CDH8: variants seen among roughly 807,000 people sequenced by gnomAD.
CDH8 encodes cadherin 8.
Under a neutral mutation model 68.1 loss-of-function variants are expected in CDH8, and 17 were observed. That is an observed-to-expected ratio of 0.25 (90% CI 0.17 to 0.37). The LOEUF is 0.37. Among genes scored for constraint, CDH8 ranks in the 10% least tolerant of loss-of-function variants. The probability of loss-of-function intolerance (pLI) is 1.00; values close to 1 mark genes in which losing one functional copy is unlikely to be tolerated. For missense variants in CDH8, 763 were observed against 999.3 expected (o/e 0.76, Z 3.19); for synonymous variants, 372 against 365.1 (o/e 1.02, Z -0.21).
rs141412406 is a variant in CDH8, at chr16:61,697,831, T to C, written c.1654+16010A>G. On this transcript the variant is annotated intron_variant, in intron 10 of 11. Coordinates refer to ENST00000577390, the MANE Select transcript of CDH8 (RefSeq NM_001796.5). ...TTTTGTTTCCACTCTGTAGAGAGAA[T>C]GTGCAGAGCAGATAAGCCAGCATAG... 6.0e-3 allele frequency among the ~76,000 whole-genome samples: 909 copies of C among 152,268 alleles called. 12 individuals are homozygous for C. Among genetic ancestry groups the C allele is most frequent in the African/African-American group, 0.021 (872 of 41,554 alleles).
chr16:61,981,609 T>A (rs1449826370), intron 2 of CDH8, among the ~76,000 whole-genome samples: 1 of 151,770 alleles, frequency 6.6e-6, no homozygotes, highest in Non-Finnish European at 1.5e-5. Flanking sequence ...AGAAAAGTCT[T>A]CAAAAAATAC....
intron 2 of CDH8, among the ~76,000 whole-genome samples, chr16:61,964,829 T>C (rs538765617): frequency 7.9e-5 from 12 of 152,296 alleles, no homozygotes; most frequent in East Asian, 3.9e-4. Context: ...AGAGAATAGA[T>C]TGATTTTTTT....
At chr16:61,664,235 C>A (rs1963624360) in intron 10 of CDH8, among the ~76,000 whole-genome samples, 1 of 151,788 alleles carries the variant, frequency 6.6e-6, no homozygotes, top group Non-Finnish European at 1.5e-5. Flanking sequence ...TAAATTGTCC[C>A]CAATATCTCC....
At chr16:61,670,191 A>G (rs1963762965) in intron 10 of CDH8, among the ~76,000 whole-genome samples, 1 of 152,066 alleles carries the variant, frequency 6.6e-6, no homozygotes, top group African/African-American at 2.4e-5. Flanking sequence ...AATGTAGAAA[A>G]GTCCTATCAT....
chr16:61,653,234 T>A lies in CDH8; in HGVS notation c.*374A>T. 3.4e-6 allele frequency: 4 copies of A among 1,187,670 alleles called. No homozygotes were observed. Among genetic ancestry groups the A allele is most frequent in the African/African-American group, 1.6e-5 (1 of 63,512 alleles). 73.6% of individuals were successfully genotyped at this position (1,187,670 alleles called of 1,614,324 possible). ...CAGAAGACACATATCAGCAGCAGAT[T>A]CCTTGCAGGTCCGTATTTTTTTTTC... is the stretch of plus-strand genomic sequence containing the variant. On this transcript the variant is annotated 3_prime_UTR_variant, in exon 12 of 12. Transcript: ENST00000577390.
rs71707137 is a variant in CDH8 at position 61,822,205 on chromosome 16, C to CTTT, written c.836-1095_836-1093dup. The stretch of plus-strand genomic sequence containing the variant: ...TGTAGTAACTGGCTCAAAAACGCAC[C>CTTT]TTTTTTTTTTTTTTTTTTTTTTTTT... On this transcript the variant is annotated intron_variant, in intron 5 of 11. Transcript: ENST00000577390. Among the ~76,000 whole-genome samples, 27 of 45,616 alleles carry CTTT rather than the reference C, an allele frequency of 5.9e-4. 2 individuals are homozygous for CTTT. Among genetic ancestry groups the CTTT allele is most frequent in the African/African-American group, 1.2e-3 (11 of 8,964 alleles). The allele number at this position is 45,616 out of a possible 152,430, so 29.9% of individuals were successfully genotyped here.
intron 5 of CDH8, among the ~76,000 whole-genome samples, chr16:61,822,205 C>CTTTTTTTTTTTTTTTTTTTTTTTTT (rs71707137): frequency 4.4e-5 from 2 of 45,648 alleles, no homozygotes; most frequent in African/African-American, 2.2e-4. Flanking sequence ...AAAAACGCAC[C>CTTTTTTTTTTTTTTTTTTTTTTTTT]TTTTTTTTTT....
At chr16:61,807,972 A>G (rs1961835707) in intron 7 of CDH8, among the ~76,000 whole-genome samples, 2 of 152,230 alleles carry the variant, frequency 1.3e-5, no homozygotes, top group African/African-American at 2.4e-5. Context: ...TAATGGGAAT[A>G]AGAATATGTG....
intron 1 of CDH8, among the ~76,000 whole-genome samples, chr16:62,027,992 C>T (rs534568096): frequency 6.6e-6 from 1 of 152,118 alleles, no homozygotes; most frequent in African/African-American, 2.4e-5. Context: ...CATATTTATC[C>T]AGATGTCAAT....
intron 10 of CDH8, among the ~76,000 whole-genome samples, chr16:61,705,316 A>C (rs964996308): frequency 2.6e-5 from 4 of 152,186 alleles, no homozygotes; most frequent in Admixed American, 1.3e-4. Flanking sequence ...ACTGACAGGT[A>C]CCTGAAACAA....
At chr16:61,746,437 A>T (rs1232704981) in intron 8 of CDH8, among the ~76,000 whole-genome samples, 1 of 151,820 alleles carries the variant, frequency 6.6e-6, no homozygotes, top group Non-Finnish European at 1.5e-5. Flanking sequence ...TGAGTTCCTT[A>T]GTTGCTGGCT....
intron 3 of CDH8, among the ~76,000 whole-genome samples, chr16:61,863,702 G>A (rs1963197841): frequency 6.6e-6 from 1 of 152,042 alleles, no homozygotes; most frequent in Non-Finnish European, 1.5e-5. Flanking sequence ...ATACCAGGTG[G>A]GAAAATAAAG....
intron 2 of CDH8, among the ~76,000 whole-genome samples, chr16:62,002,849 C>G (rs932561723): frequency 1.6e-4 from 25 of 152,230 alleles, no homozygotes; most frequent in Middle Eastern, 3.4e-3. Context: ...GTCAGGAAAT[C>G]AAGACCATCC....
intron 10 of CDH8, among the ~76,000 whole-genome samples, chr16:61,668,668 GAA>G (rs10650925): frequency 0.13 from 18,669 of 139,670 alleles, 1,256 homozygotes; most frequent in African/African-American, 0.17. Context: ...AACCACTTAG[GAA>G]AAAAAAAAAA....
chr16:62,032,174 A>G (rs973909134), intron 1 of CDH8, among the ~76,000 whole-genome samples: 1 of 152,216 alleles, frequency 6.6e-6, no homozygotes, highest in African/African-American at 2.4e-5. Context: ...ACATTTTTTG[A>G]AAGACTGATC....
intron 4 of CDH8, among the ~76,000 whole-genome samples, chr16:61,848,244 A>G (rs576399723): frequency 3.9e-5 from 6 of 152,206 alleles, no homozygotes; most frequent in African/African-American, 1.4e-4. Context: ...TTTGCTTCCA[A>G]CTAAACCCAT....
intron 10 of CDH8, among the ~76,000 whole-genome samples, chr16:61,685,122 A>G (rs1596864687): frequency 6.6e-6 from 1 of 151,808 alleles, no homozygotes; most frequent in East Asian, 2.0e-4. Context: ...CAATACAATT[A>G]GAATTGAGAA....
At chr16:61,976,950 C>T (rs1304854556) in intron 2 of CDH8, among the ~76,000 whole-genome samples, 3 of 152,188 alleles carry the variant, frequency 2.0e-5, no homozygotes, top group African/African-American at 7.2e-5. Context: ...GGAATGCAGA[C>T]ATCCAGTATA....
At chr16:61,699,726 C>G (rs942009741) in intron 10 of CDH8, among the ~76,000 whole-genome samples, 2 of 152,096 alleles carry the variant, frequency 1.3e-5, no homozygotes, top group Admixed American at 1.3e-4. Context: ...AGGCACCCAC[C>G]ACCACGCCTG....
Sources: gnomAD v4.1 joint callset for allele counts (sites outside exome capture counted in the v4.1 genomes callset) on GRCh38, gnomAD v4.1.1 for gene constraint, MANE v1.5 for transcripts, NCBI Gene and HGNC (gene_info 2026-07-23, HGNC 2026-07-21) for gene names.